The following MECOM variants were observed in gnomAD, a reference collection of about 807,000 sequenced individuals.
MECOM encodes the protein MDS1 and EVI1 complex locus.
MECOM carries 13 observed loss-of-function variants against 116.3 expected under a neutral mutation model. That is an observed-to-expected ratio of 0.11 (90% confidence interval 0.07 to 0.18). The LOEUF (loss-of-function observed/expected upper bound fraction) is 0.18. Among genes scored for constraint, MECOM ranks in the 10% least tolerant of loss-of-function variants. The pLI is 1.00. For missense variants in MECOM, 1,299 were observed against 1,509.0 expected (o/e 0.86, Z 2.31); for synonymous variants, 528 against 535.2 (o/e 0.99, Z 0.19).
intron 2 of MECOM, among the ~76,000 whole-genome samples, chr3:169,207,518 C>T (rs1413432777): frequency 1.3e-5 from 2 of 152,252 alleles, no homozygotes; most frequent in South Asian, 2.1e-4. Context: ...CTTTTATTTG[C>T]TTTCAGAATC....
chr3:169,531,815 TA>T (rs890102203), intron 1 of MECOM, among the ~76,000 whole-genome samples: 4 of 152,216 alleles, frequency 2.6e-5, no homozygotes, highest in African/African-American at 9.6e-5. Context: ...GGATTAATTC[TA>T]AAAACATTAC....
At chr3:169,245,160 T>C (rs944369502) in intron 2 of MECOM, among the ~76,000 whole-genome samples, 3 of 152,154 alleles carry the variant, frequency 2.0e-5, no homozygotes, top group Admixed American at 1.3e-4. Context: ...ACCCAAACAA[T>C]TTGAAATATG....
intron 12 of MECOM, among the ~76,000 whole-genome samples, chr3:169,097,391 T>A (rs774744975): frequency 6.6e-6 from 1 of 152,042 alleles, no homozygotes; most frequent in African/African-American, 2.4e-5. Context: ...ACAATTCCAA[T>A]AAGAGCCTAA....
At chr3:169,392,669 G>T (rs960615263) in intron 1 of MECOM, among the ~76,000 whole-genome samples, 3 of 151,576 alleles carry the variant, frequency 2.0e-5, no homozygotes, top group African/African-American at 7.3e-5. Flanking sequence ...CCTAAGATGA[G>T]GTTAGGAAAA....
chr3:169,264,064 T>C (rs574084064), intron 2 of MECOM, among the ~76,000 whole-genome samples: 1 of 152,310 alleles, frequency 6.6e-6, no homozygotes, highest in Admixed American at 6.5e-5. Flanking sequence ...AGATGACAGG[T>C]ATTCTAGGTT....
At chr3:169,135,609 G>A (rs1480721809) in intron 3 of MECOM, among the ~76,000 whole-genome samples, 2 of 151,892 alleles carry the variant, frequency 1.3e-5, no homozygotes. Context: ...CCAAAATCCA[G>A]AAGCACAACA....
intron 1 of MECOM, among the ~76,000 whole-genome samples, chr3:169,491,441 A>G (rs962959407): frequency 2.0e-5 from 3 of 152,190 alleles, no homozygotes; most frequent in Admixed American, 2.0e-4. Context: ...TAAATTTTAT[A>G]TACATACAGA....
intron 1 of MECOM, among the ~76,000 whole-genome samples, chr3:169,557,837 A>G (rs1762208795): frequency 3.9e-5 from 6 of 152,224 alleles, no homozygotes; most frequent in Admixed American, 6.5e-5. Context: ...CATTATAACC[A>G]TCATGCAGCT....
chr3:169,424,905 A>G (rs1740379793), intron 1 of MECOM, among the ~76,000 whole-genome samples: 1 of 152,050 alleles, frequency 6.6e-6, no homozygotes, highest in South Asian at 2.1e-4. Flanking sequence ...GATTTCTTTC[A>G]GGGTTAGTTT....
Position 169,354,057 on chromosome 3 carries a change from TTA to T in MECOM, c.375+27128_375+27129del, listed in dbSNP as rs565058911. Among the ~76,000 whole-genome samples, 140 of 152,028 alleles carry T rather than the reference TTA, an allele frequency of 9.2e-4. 1 individual carries two copies. The highest frequency in any genetic ancestry group is 1.6e-3 in the Non-Finnish European group (111 of 67,888). ...TTTTCTTTCTACTTCACAAACCTGC[TTA>T]TAGTTATTACATAACAACGTGAGTT... On this transcript the variant is annotated intron_variant, in intron 2 of 16. Coordinates refer to ENST00000651503, the MANE Select transcript of MECOM (RefSeq NM_004991.4).
chr3:169,304,404 T>C (rs1717304512), intron 2 of MECOM, among the ~76,000 whole-genome samples: 1 of 152,218 alleles, frequency 6.6e-6, no homozygotes, highest in Admixed American at 6.5e-5. Context: ...TTCAACCTTA[T>C]TGACCTCTGG....
At chr3:169,274,647 A>T (rs945056213) in intron 2 of MECOM, among the ~76,000 whole-genome samples, 1 of 152,234 alleles carries the variant, frequency 6.6e-6, no homozygotes, top group Non-Finnish European at 1.5e-5. Flanking sequence ...GAATGTGATA[A>T]AATGATCTAT....
At chr3:169,278,410 T>C (rs997999696) in intron 2 of MECOM, among the ~76,000 whole-genome samples, 1 of 152,248 alleles carries the variant, frequency 6.6e-6, no homozygotes, top group African/African-American at 2.4e-5. Flanking sequence ...TTTTTAGTAG[T>C]TGAATATAAA....
chr3:169,505,055 A>G (rs748349185), intron 1 of MECOM, among the ~76,000 whole-genome samples: 1 of 152,162 alleles, frequency 6.6e-6, no homozygotes, highest in African/African-American at 2.4e-5. Flanking sequence ...AGCTCCATCT[A>G]TGTTGTTGCA....
intron 1 of MECOM, among the ~76,000 whole-genome samples, chr3:169,652,483 A>G (rs1460582276): frequency 6.6e-6 from 1 of 152,156 alleles, no homozygotes; most frequent in East Asian, 1.9e-4. Flanking sequence ...TCGGTAAAAG[A>G]AAACTCCTAA....
At chr3:169,539,412 TA>T (rs1759789408) in intron 1 of MECOM, among the ~76,000 whole-genome samples, 1 of 152,226 alleles carries the variant, frequency 6.6e-6, no homozygotes, top group Non-Finnish European at 1.5e-5. Flanking sequence ...CCTTATGTTT[TA>T]GAGTCTCTTC....
At chr3:169,144,836 T>C (rs981263251) in intron 2 of MECOM, among the ~76,000 whole-genome samples, 1 of 152,142 alleles carries the variant, frequency 6.6e-6, no homozygotes, top group Admixed American at 6.5e-5. Flanking sequence ...CTAAGCAATA[T>C]ACCTAGAACA....
intron 2 of MECOM, among the ~76,000 whole-genome samples, chr3:169,268,897 G>A (rs1398236047): frequency 1.3e-5 from 2 of 152,096 alleles, no homozygotes; most frequent in African/African-American, 4.8e-5. Context: ...GTGGGGAGAG[G>A]GAATTGAGGG....
In MECOM at chr3:169,121,102, G is replaced by A. The variant is rs1357901678; in HGVS notation, c.1086C>T (p.Gly362=). The change falls in exon 7 of 17, where the codon GGC becomes GGT. Residue 362 remains glycine, a synonymous_variant. Coordinates refer to ENST00000651503, the MANE Select transcript of MECOM (RefSeq NM_004991.4). The part of the protein sequence containing the change: ...ECGKTFATSS[G]LKQHKHIHSS... Reference sequence around the variant, plus strand: ...TGTGGATGTGCTTGTGTTGTTTGAGGCCCGACGAAGTGGCAAACGTTTTGC... The same window carrying A: ...TGTGGATGTGCTTGTGTTGTTTGAGACCCGACGAAGTGGCAAACGTTTTGC... 1.9e-6 allele frequency: 3 copies of A among 1,613,388 alleles called. No individual in the cohort carries two copies. The African/African-American group carries it at 4.0e-5, about 22-fold the overall frequency.
Sources: gnomAD v4.1 joint callset for allele counts (sites outside exome capture counted in the v4.1 genomes callset) on GRCh38, gnomAD v4.1.1 for gene constraint, MANE v1.5 for transcripts, NCBI Gene and HGNC (gene_info 2026-07-23, HGNC 2026-07-21) for gene names.